Variants in FBLN7 observed in about 807,000 individuals in gnomAD.
FBLN7 encodes the protein fibulin 7.
FBLN7 carries 31 observed loss-of-function variants against 44.0 expected under a neutral mutation model. The ratio of observed to expected loss-of-function variants is 0.70; its 90% CI spans 0.53 to 0.95. FBLN7 has a LOEUF of 0.95. FBLN7 is among the 40% of genes least tolerant of loss of function. FBLN7 has a pLI of 0.00. For synonymous variants in FBLN7, 262 were observed against 253.4 expected, an observed-to-expected ratio of 1.03 and a Z score of -0.32; for missense variants, 573 against 618.5, an observed-to-expected ratio of 0.93 and a Z score of 0.78.
At chr2:112,217,753 A>C in the FBLN7 span, among the ~76,000 whole-genome samples, 1 of 152,180 alleles carries the variant, frequency 6.6e-6, no homozygotes, top group Non-Finnish European at 1.5e-5. Context: ...TAAAAGCTTG[A>C]ATTTTATCAT....
At chr2:112,146,498 T>G (rs1474922339) in intron 1 of FBLN7, among the ~76,000 whole-genome samples, 2 of 152,152 alleles carry the variant, frequency 1.3e-5, no homozygotes, top group Non-Finnish European at 2.9e-5. Context: ...CATCAGTATA[T>G]ATATATTTTT....
intron 1 of FBLN7, chr2:112,153,249 C>T (rs1056027859): frequency 6.6e-6 from 1 of 152,214 alleles, no homozygotes; most frequent in Non-Finnish European, 1.5e-5. Context: ...GGCCAGCAGG[C>T]TCACATTTGG....
the FBLN7 span, among the ~76,000 whole-genome samples, chr2:112,207,069 G>C: frequency 6.6e-6 from 1 of 152,138 alleles, no homozygotes; most frequent in African/African-American, 2.4e-5. Context: ...ATTATGTACA[G>C]AGAATAGACT....
chr2:112,138,481 G>A lies in FBLN7; in HGVS notation c.-175G>A, dbSNP rs1439008940. 5.3e-5 allele frequency: 37 copies of A among 695,628 alleles called. 1 individual carries two copies. The highest frequency in any genetic ancestry group is 7.3e-5 in the Non-Finnish European group (37 of 505,036). 43.1% of individuals were successfully genotyped at this position (695,628 alleles called of 1,614,324 possible). A position where few individuals can be genotyped will look rare whatever the true frequency, so the allele number is the denominator to read the frequency against. On this transcript the variant is annotated 5_prime_UTR_variant, in exon 1 of 8. Transcript: ENST00000331203. ...ACCCTCGCAAGGCCCGGGCGGCGCC[G>A]ATCCCCGCGGGACGCGCTGCGCTCG...
At position 112,156,584 on chromosome 2, in the gene FBLN7, C is replaced by T. The variant is rs1006811546; in HGVS notation, c.76-3092C>T. Among the ~76,000 whole-genome samples the T allele has an allele frequency of 6.0e-4, 91 of 152,272 alleles. 1 individual carries two copies. Among genetic ancestry groups the T allele is most frequent in the African/African-American group, 2.0e-3 (85 of 41,558 alleles). ...ATCAGGTTTGGGTGGCAGGGCTGCACGGTGCTGGGCAGGTACGGGGTTGCA... is the reference window on the plus strand; with the variant it reads ...ATCAGGTTTGGGTGGCAGGGCTGCATGGTGCTGGGCAGGTACGGGGTTGCA... On this transcript the variant is annotated intron_variant, in intron 1 of 7. Transcript: ENST00000331203.
Position 112,165,018 on chromosome 2 carries a change from A to G in FBLN7, c.253A>G (p.Asn85Asp). ...DALPVSCPAL[N>D]TPADGRKFGS... ...CCTTACAGTTTCCTGCCCGGCTCTG[A>G]ACACCCCCGCAGACGGCAGAAAGTT... The change falls in exon 3 of 8, where the codon AAC becomes GAC. Residue 85 changes from asparagine (N) to aspartate (D), a missense_variant. By Grantham distance (23) the Asn-to-Asp change is conservative. Transcript: ENST00000331203. The G allele has an allele frequency of 1.9e-6, 3 of 1,614,074 alleles. No homozygotes were observed. Among genetic ancestry groups the G allele is most frequent in the Non-Finnish European group, 2.5e-6 (3 of 1,179,984 alleles).
chr2:112,157,048 A>T (rs1681467053), intron 1 of FBLN7, among the ~76,000 whole-genome samples: 1 of 152,116 alleles, frequency 6.6e-6, no homozygotes, highest in Non-Finnish European at 1.5e-5. Flanking sequence ...TAAAACCAAT[A>T]CTCAGTAGAA....
intron 1 of FBLN7, among the ~76,000 whole-genome samples, chr2:112,147,510 C>A (rs1030226446): frequency 3.3e-5 from 5 of 152,202 alleles, no homozygotes; most frequent in Non-Finnish European, 7.3e-5. Context: ...TCTACACAAG[C>A]ACAATTGTTT....
chr2:112,153,474 G>A (rs1056121942), intron 1 of FBLN7, among the ~76,000 whole-genome samples: 4 of 152,194 alleles, frequency 2.6e-5, no homozygotes, highest in African/African-American at 4.8e-5. Flanking sequence ...GACTGTCACT[G>A]TGAGGAAGAC....
the FBLN7 span, among the ~76,000 whole-genome samples, chr2:112,207,807 A>T: frequency 6.6e-6 from 1 of 152,252 alleles, no homozygotes. Context: ...AGTCTATTTT[A>T]TTATTAATAT....
the FBLN7 span, among the ~76,000 whole-genome samples, chr2:112,195,959 T>C: frequency 6.6e-6 from 1 of 152,192 alleles, no homozygotes; most frequent in Non-Finnish European, 1.5e-5. Flanking sequence ...GGAGGGCATG[T>C]CACTGAGACC....
the FBLN7 span, among the ~76,000 whole-genome samples, chr2:112,219,383 A>C: frequency 6.6e-6 from 1 of 152,246 alleles, no homozygotes; most frequent in Non-Finnish European, 1.5e-5. Flanking sequence ...CTCCTCATGC[A>C]AAACAGTGAA....
the FBLN7 span, chr2:112,236,442 C>A: frequency 7.3e-7 from 1 of 1,372,426 alleles, no homozygotes; most frequent in Non-Finnish European, 9.8e-7. Context: ...CATCCGAAAA[C>A]CGATTCTGTG....
At chr2:112,211,402 T>C in the FBLN7 span, 3 of 152,190 alleles carry the variant, frequency 2.0e-5, no homozygotes, top group African/African-American at 7.2e-5. Flanking sequence ...AGAGGAATCT[T>C]GGGAGCCATC....
At chr2:112,237,891 T>C in the FBLN7 span, among the ~76,000 whole-genome samples, 1 of 152,218 alleles carries the variant, frequency 6.6e-6, no homozygotes, top group Non-Finnish European at 1.5e-5. Context: ...TAATTGCCAT[T>C]TGCCCTCATA....
intron 2 of FBLN7, among the ~76,000 whole-genome samples, chr2:112,161,857 C>T (rs1681889359): frequency 6.6e-6 from 1 of 152,212 alleles, no homozygotes; most frequent in African/African-American, 2.4e-5. Context: ...GTGGGGGACC[C>T]CGTGCTGGGT....
chr2:112,236,449 T>G, the FBLN7 span: 1 of 1,412,592 alleles, frequency 7.1e-7, no homozygotes, highest in Non-Finnish European at 9.5e-7. Flanking sequence ...AAACCGATTC[T>G]GTGGGATGCT....
At chr2:112,229,565 G>C in the FBLN7 span, among the ~76,000 whole-genome samples, 1 of 152,182 alleles carries the variant, frequency 6.6e-6, no homozygotes, top group African/African-American at 2.4e-5. Flanking sequence ...ACTGGTCCCA[G>C]GAGAGTTAGA....
Position 112,138,715 on chromosome 2 carries a change from G to A in FBLN7, c.60G>A (p.Glu20=), listed in dbSNP as rs1335603169. ...FLLLLILACP[E]PRASQNCLSK... is the part of the protein sequence containing the mutation. ...TGCTCCTGATCCTCGCCTGCCCCGA[G>A]CCGCGGGCTTCCCAGGTCAGTGTCC... The change falls in exon 1 of 8, where the codon GAG becomes GAA. Residue 20 remains glutamate (E), a synonymous_variant. Transcript: ENST00000331203. 6.2e-7 allele frequency: 1 copy of A among 1,612,710 alleles called. No homozygotes were observed. The highest frequency in any genetic ancestry group is 1.9e-4 in the Middle Eastern group (1 of 5,316).
Sources: allele counts gnomAD v4.1 joint callset (sites outside exome capture counted in the v4.1 genomes callset), GRCh38; gene constraint gnomAD v4.1.1; transcripts MANE v1.5; gene names NCBI Gene and HGNC (gene_info 2026-07-23, HGNC 2026-07-21).